CD22: variants seen among roughly 807,000 people sequenced by gnomAD.
CD22 encodes the protein CD22 molecule.
A neutral mutation model predicts 94.7 loss-of-function variants in CD22; 51 were observed. The ratio of observed to expected loss-of-function variants is 0.54; its 90% CI spans 0.43 to 0.68. CD22 has a LOEUF of 0.68. Ranked by LOEUF, CD22 falls within the 30% of genes least tolerant of loss-of-function variation. CD22 has a pLI of 0.00. For synonymous variants in CD22, 424 were observed against 422.5 expected, an observed-to-expected ratio of 1.00 and a Z score of -0.04; for missense variants, 931 against 1,060.4, an observed-to-expected ratio of 0.88 and a Z score of 1.69.
intron 6 of CD22, among the ~76,000 whole-genome samples, chr19:35,338,970 C>T (rs2066766743): frequency 6.7e-6 from 1 of 150,040 alleles, no homozygotes; most frequent in African/African-American, 2.4e-5. Flanking sequence ...TGCGGTGGCT[C>T]CCGCCTGCAA....
intron 6 of CD22, 146 bp downstream of exon 6, chr19:35,338,577 T>G: frequency 1.3e-6 from 1 of 779,684 alleles, no homozygotes; most frequent in Non-Finnish European, 2.0e-6. Context: ...CTGTCTCAGC[T>G]CCTAGCATAG....
At chr19:35,331,846 C>A in intron 1 of CD22, 173 bp from the exon 2 acceptor site, 2 of 1,316,540 alleles carry the variant, frequency 1.5e-6, no homozygotes, top group Non-Finnish European at 2.0e-6. Context: ...GACTCTGTCT[C>A]AAAAAAAAAG....
intron 1 of CD22, 22 bp downstream of exon 1, chr19:35,329,252 T>C (rs1485653226): frequency 2.3e-6 from 3 of 1,286,412 alleles, no homozygotes; most frequent in African/African-American, 3.0e-5. Flanking sequence ...TTTGCTTTTA[T>C]TTTGCATTCA....
At chr19:35,346,513 C>T (rs541100680) in intron 13 of CD22, 53 bp from the exon 14 acceptor site, 9 of 1,565,544 alleles carry the variant, frequency 5.7e-6, no homozygotes, top group Middle Eastern at 1.7e-4. Context: ...AGAAAAGCGG[C>T]GGTGGAGGCT....
chr19:35,342,744 G>GTC (rs368321683), intron 9 of CD22, among the ~76,000 whole-genome samples: 9 of 151,762 alleles, frequency 5.9e-5, no homozygotes, highest in Non-Finnish European at 1.0e-4. Flanking sequence ...CTGGGTCCCT[G>GTC]TCTCTCTCTC....
At chr19:35,339,992 C>T (rs919276989) in intron 6 of CD22, among the ~76,000 whole-genome samples, 5 of 152,150 alleles carry the variant, frequency 3.3e-5, no homozygotes, top group Non-Finnish European at 7.3e-5. Context: ...CATTACCTCT[C>T]CATTGTAAGA....
In CD22 at chr19:35,341,586, C is replaced by T. The variant is rs1242090883; in HGVS notation, c.1751C>T (p.Ala584Val). 2 of 1,612,322 alleles carry T rather than the reference C, an allele frequency of 1.2e-6. No individual in the cohort carries two copies. Among genetic ancestry groups the T allele is most frequent in the East Asian group, 4.5e-5 (2 of 44,840 alleles). The change falls in exon 8 of 14, where the codon GCC becomes GTC. Residue 584 changes from alanine to valine, a missense_variant. By Grantham distance (64) the Ala-to-Val change is moderately conservative (BLOSUM62 0). Transcript: ENST00000085219. The surrounding 1 kb of genome is among the most constrained non-coding windows in gnomAD (Gnocchi z 4.0). Reference sequence around the variant, plus strand: ...TCCATAGGACAGACAGCGTCCAAGGCCTGGACACTTGAAGTGCTGTGTGAG... The same window carrying T: ...TCCATAGGACAGACAGCGTCCAAGGTCTGGACACTTGAAGTGCTGTGTGAG... ...NNSIGQTASK[A>V]WTLEVLYAPR...
At chr19:35,343,754 T>A (rs960047219) in intron 9 of CD22, among the ~76,000 whole-genome samples, 3 of 152,070 alleles carry the variant, frequency 2.0e-5, no homozygotes, top group African/African-American at 4.8e-5. Context: ...AAAAAAATTT[T>A]AAAAACGAAC....
At chr19:35,335,743 T>C (rs2066713461) in intron 3 of CD22, among the ~76,000 whole-genome samples, 1 of 151,254 alleles carries the variant, frequency 6.6e-6, no homozygotes, top group African/African-American at 2.4e-5. Flanking sequence ...TAATCCCAGC[T>C]ACTCGGGAGG....
Position 35,346,181 on chromosome 19 carries a change from TC to T in CD22, c.2363del (p.Pro788ArgfsTer38). On this transcript the variant is annotated frameshift_variant, in exon 13 of 14. Transcript: ENST00000085219. LOFTEE classifies it high-confidence loss of function. Reference sequence around the variant, plus strand: ...CAGAGTCCTCAGAGATGCAGAGACCTCCCCCGGACTGCGATGACACGGTCAC... The same window carrying T: ...CAGAGTCCTCAGAGATGCAGAGACCTCCCCGGACTGCGATGACACGGTCAC... ...DAESSEMQRP[P>X]PDCDDTVTYS... is the part of the protein sequence containing the mutation. 6.2e-7 allele frequency: 1 copy of T among 1,613,816 alleles called. No homozygotes were observed. The highest frequency in any genetic ancestry group is 8.5e-7 in the Non-Finnish European group (1 of 1,179,820).
chr19:35,343,668 G>A (rs1048000427), intron 9 of CD22, among the ~76,000 whole-genome samples: 1 of 152,058 alleles, frequency 6.6e-6, no homozygotes, highest in African/African-American at 2.4e-5. Context: ...GATCACTTGA[G>A]CCCAGGAGTT....
chr19:35,337,387 G>A lies in CD22; in HGVS notation c.719-368G>A, dbSNP rs2066740621. 6.6e-6 allele frequency among the ~76,000 whole-genome samples: 1 copy of A among 152,210 alleles called. No homozygotes were observed. Among genetic ancestry groups the A allele is most frequent in the African/African-American group, 2.4e-5 (1 of 41,446 alleles). ...GCAGCAGCTGGGTGGGAGGACCTCAGAGGCTGAAGTTCACCGCCTCTGAGG... is the reference window on the plus strand; with the variant it reads ...GCAGCAGCTGGGTGGGAGGACCTCAAAGGCTGAAGTTCACCGCCTCTGAGG... On this transcript the variant is annotated intron_variant, in intron 4 of 13. Transcript: ENST00000085219. This position sits in a 1 kb window ranked among gnomAD's most constrained non-coding sequence, Gnocchi z 4.4.
In CD22 at chr19:35,341,168, G is replaced by A. The variant is rs2066802101; in HGVS notation, c.1507+30G>A. 1.9e-6 allele frequency: 3 copies of A among 1,612,630 alleles called. No homozygotes were observed. The highest frequency in any genetic ancestry group is 1.3e-5 in the African/African-American group (1 of 75,022). ...GTCCCTGGGCTAGGCAGGGGGATCT[G>A]GGAGGTGGCCCGGCTGGGATGAGGG... On this transcript the variant is annotated intron_variant, in intron 7 of 13. Transcript: ENST00000085219. This position sits in a 1 kb window ranked among gnomAD's most constrained non-coding sequence, Gnocchi z 4.0.
At chr19:35,336,535 C>T in intron 4 of CD22, 194 bp downstream of exon 4, 2 of 581,190 alleles carry the variant, frequency 3.4e-6, no homozygotes, top group Non-Finnish European at 6.1e-6. Flanking sequence ...TAAAATGGTC[C>T]ATCCTCAAGC....
In CD22 at chr19:35,338,108, G is replaced by A. The variant is rs200901377; in HGVS notation, c.986-60G>A. 1.4e-3 allele frequency: 2,159 copies of A among 1,576,160 alleles called. 3 individuals are homozygous for A. The highest frequency in any genetic ancestry group is 0.011 in the Middle Eastern group (63 of 5,776). ...GGGAGCCACGGGGGCTCTCGGGGCC[G>A]TGTGCACAGGTTGGGGGTGCTCTCC... On this transcript the variant is annotated intron_variant, in intron 5 of 13. Transcript: ENST00000085219.
chr19:35,336,410 G>A, intron 4 of CD22, 69 bp downstream of exon 4: 1 of 1,469,056 alleles, frequency 6.8e-7, no homozygotes, highest in Non-Finnish European at 9.3e-7. Flanking sequence ...CCCGCAGGGG[G>A]CATGCACCCA....
rs113404776 is a variant in CD22 at position 35,346,818 on chromosome 19, GCA to G, written c.*139_*140del. 30,853 of 541,816 alleles carry G rather than the reference GCA, an allele frequency of 0.057. No individual in the cohort carries two copies. The highest frequency in any genetic ancestry group is 0.078 in the Middle Eastern group (135 of 1,736). The allele number at this position is 541,816 out of a possible 1,614,324, so 33.6% of individuals were successfully genotyped here. A position where few individuals can be genotyped will look rare whatever the true frequency, so the allele number is the denominator to read the frequency against. On this transcript the variant is annotated 3_prime_UTR_variant, in exon 14 of 14. Coordinates refer to ENST00000085219, the MANE Select transcript of CD22 (RefSeq NM_001771.4). ...CATGTGCGCACACACACACACACAC[GCA>G]CACACACACACACACACTCACTGCG...
In CD22 at chr19:35,337,506, C is replaced by T. The variant is rs550002477; in HGVS notation, c.719-249C>T. 1.3e-5 allele frequency among the ~76,000 whole-genome samples: 2 copies of T among 152,064 alleles called. No individual in the cohort carries two copies. Among genetic ancestry groups the T allele is most frequent in the Non-Finnish European group, 2.9e-5 (2 of 68,010 alleles). The stretch of plus-strand genomic sequence containing the variant: ...TGGGATTCTATGCAAAGCACAGAAC[C>T]CGCTCGTGGTTTCCAGCAGGATTGG... On this transcript the variant is annotated intron_variant, in intron 4 of 13. Transcript: ENST00000085219. This position sits in a 1 kb window ranked among gnomAD's most constrained non-coding sequence, Gnocchi z 4.4.
At chr19:35,342,544 C>T (rs998512841) in intron 9 of CD22, among the ~76,000 whole-genome samples, 1 of 152,082 alleles carries the variant, frequency 6.6e-6, no homozygotes, top group Non-Finnish European at 1.5e-5. Flanking sequence ...CCAGCTGGCC[C>T]CTTCTTCCCC....
Sources: allele counts gnomAD v4.1 joint callset (sites outside exome capture counted in the v4.1 genomes callset), GRCh38; gene constraint gnomAD v4.1.1; non-coding constraint Gnocchi (gnomAD v3.1); transcripts MANE v1.5; gene names NCBI Gene and HGNC (gene_info 2026-07-23, HGNC 2026-07-21).